PCDHGA11: variants seen among roughly 807,000 people sequenced by gnomAD.
PCDHGA11 encodes the protein protocadherin gamma subfamily A, 11.
A neutral mutation model predicts 60.4 loss-of-function variants in PCDHGA11; 39 were observed. That is an observed-to-expected ratio of 0.65 (90% CI 0.50 to 0.84). The LOEUF (loss-of-function observed/expected upper bound fraction) is 0.84. PCDHGA11 is among the 40% of genes least tolerant of loss of function. PCDHGA11 has a pLI of 0.00. For missense variants in PCDHGA11, 1,165 were observed against 1,197.7 expected, an observed-to-expected ratio of 0.97 and a Z score of 0.40; for synonymous variants, 533 against 510.3, an observed-to-expected ratio of 1.04 and a Z score of -0.60.
In PCDHGA11 at chr5:141,505,380, A is replaced by C; in HGVS notation, c.2493-13A>C. On this transcript the variant is annotated splice_polypyrimidine_tract_variant and intron_variant, in intron 2 of 3. Coordinates refer to ENST00000398587, the MANE Select transcript of PCDHGA11 (RefSeq NM_018914.3). ...CCTGGGAGTCTGTGCTCACCATCCT[A>C]CTCTCTCCCCAGCTCCCAAAATGGC... 1 of 1,613,480 alleles carries C rather than the reference A, an allele frequency of 6.2e-7. No homozygotes were observed. Among genetic ancestry groups the C allele is most frequent in the Non-Finnish European group, 8.5e-7 (1 of 1,179,856 alleles).
rs1412265811 is a variant in PCDHGA11, at chr5:141,461,565, A to G, written c.2434-33242A>G. Among the ~76,000 whole-genome samples the G allele has an allele frequency of 2.6e-5, 4 of 152,178 alleles. No individual in the cohort carries two copies. The East Asian group carries it at 7.7e-4, about 29-fold the overall frequency. On this transcript the variant is annotated intron_variant, in intron 1 of 3. Coordinates refer to ENST00000398587, the MANE Select transcript of PCDHGA11 (RefSeq NM_018914.3). ...CCTTTGTCAGATGTGTACTTTGCAA[A>G]GATAATATTTTGGATGTTATATTTC...
At chr5:141,445,257 A>G (rs1253126709) in intron 1 of PCDHGA11, among the ~76,000 whole-genome samples, 3 of 152,152 alleles carry the variant, frequency 2.0e-5, no homozygotes, top group African/African-American at 2.4e-5. Context: ...GTGTGAGAAT[A>G]TAAGTCGAAA....
At position 141,433,401 on chromosome 5, in the gene PCDHGA11, A is replaced by C. The variant is rs181247960; in HGVS notation, c.2433+9741A>C. ...TATCTATCTATCTATCTATCTATCT[A>C]TCTATTACTTTCTTGTACAGACAGG... On this transcript the variant is annotated intron_variant, in intron 1 of 3. Transcript: ENST00000398587. Among the ~76,000 whole-genome samples, 679 of 150,596 alleles carry C rather than the reference A, an allele frequency of 4.5e-3. 8 individuals carry two copies. The highest frequency in any genetic ancestry group is 0.015 in the African/African-American group (630 of 40,956).
At position 141,490,076 on chromosome 5, in the gene PCDHGA11, A is replaced by G. The variant is rs1025569516; in HGVS notation, c.2434-4731A>G. 2.5e-6 allele frequency: 4 copies of G among 1,614,240 alleles called. No homozygotes were observed. The highest frequency in any genetic ancestry group is 1.3e-5 in the African/African-American group (1 of 75,070). Reference sequence around the variant, plus strand: ...GAGGGCACCAACGGCCAACTAGACTATTCTTTTGGAGACCACACATCTGAG... The same window carrying G: ...GAGGGCACCAACGGCCAACTAGACTGTTCTTTTGGAGACCACACATCTGAG... On this transcript the variant is annotated intron_variant, in intron 1 of 3. Coordinates refer to ENST00000398587, the MANE Select transcript of PCDHGA11 (RefSeq NM_018914.3). The surrounding 1 kb of genome is among the most constrained non-coding windows in gnomAD (Gnocchi z 5.4).
At position 141,493,061 on chromosome 5, in the gene PCDHGA11, C is replaced by G. The variant is rs1386090478; in HGVS notation, c.2434-1746C>G. On this transcript the variant is annotated intron_variant, in intron 1 of 3. Transcript: ENST00000398587. The surrounding 1 kb of genome is among the most constrained non-coding windows in gnomAD (Gnocchi z 4.3). The stretch of plus-strand genomic sequence containing the variant: ...GAGGAAACTACAATAGTAAAAAACA[C>G]AAGTTTCTCCAACTCCAGGAGCTTT... Among the ~76,000 whole-genome samples the G allele has an allele frequency of 6.6e-6, 1 of 152,228 alleles. No individual in the cohort carries two copies. Among genetic ancestry groups the G allele is most frequent in the African/African-American group, 2.4e-5 (1 of 41,446 alleles).
chr5:141,486,645 C>T lies in PCDHGA11; in HGVS notation c.2434-8162C>T, dbSNP rs369948556. ...GACTCTGGCTTGAATGCGCTTATCT[C>T]CTACTCACTCCTGGAGCCCAGGAAT... On this transcript the variant is annotated intron_variant, in intron 1 of 3. Coordinates refer to ENST00000398587, the MANE Select transcript of PCDHGA11 (RefSeq NM_018914.3). This position sits in a 1 kb window ranked among gnomAD's most constrained non-coding sequence, Gnocchi z 5.0. 1.9e-6 allele frequency: 3 copies of T among 1,613,752 alleles called. No individual in the cohort carries two copies. The highest frequency in any genetic ancestry group is 2.2e-5 in the East Asian group (1 of 44,896).
In PCDHGA11 at chr5:141,487,694, AC is replaced by A. The variant is rs1296386169; in HGVS notation, c.2434-7112del. On this transcript the variant is annotated intron_variant, in intron 1 of 3. Coordinates refer to ENST00000398587, the MANE Select transcript of PCDHGA11 (RefSeq NM_018914.3). The surrounding 1 kb of genome is among the most constrained non-coding windows in gnomAD (Gnocchi z 5.0). ...ATGGCTAGGCCATGTCCTAGAGAGT[AC>A]TGGCCTCTCAGTAAGTGCCCATAGT... is the stretch of plus-strand genomic sequence containing the variant. The A allele has an allele frequency of 6.2e-7, 1 of 1,602,048 alleles. No individual in the cohort carries two copies. The highest frequency in any genetic ancestry group is 2.2e-5 in the East Asian group (1 of 44,642).
At chr5:141,443,321 A>AC (rs1175439570) in intron 1 of PCDHGA11, among the ~76,000 whole-genome samples, 1 of 151,616 alleles carries the variant, frequency 6.6e-6, no homozygotes, top group African/African-American at 2.4e-5. Flanking sequence ...TCTCTACAAA[A>AC]AAAAAAAACA....
intron 1 of PCDHGA11, chr5:141,428,221 G>A (rs1314522513): frequency 5.9e-6 from 7 of 1,177,278 alleles, no homozygotes; most frequent in Non-Finnish European, 8.6e-6. Context: ...CCTAGTCTTC[G>A]CAGACAGCCT....
chr5:141,458,347 T>A (rs1351687231), intron 1 of PCDHGA11, among the ~76,000 whole-genome samples: 1 of 151,916 alleles, frequency 6.6e-6, no homozygotes, highest in Non-Finnish European at 1.5e-5. Flanking sequence ...AGTGGAGAGT[T>A]TAATAAGCAA....
intron 2 of PCDHGA11, 70 bp downstream of exon 2, chr5:141,494,935 G>T (rs1456805368): frequency 2.5e-6 from 4 of 1,612,364 alleles, no homozygotes; most frequent in African/African-American, 1.3e-5. Context: ...GGGAGGAGAT[G>T]GGGGAGGGCC....
rs1373619696 is a variant in PCDHGA11, at chr5:141,421,565, A to G, written c.338A>G (p.Asp113Gly). ...TTAAATATGGAACTTCTCGTGGAAGACACCTTGAAGATTTACGGAGTGGAG... is the reference window on the plus strand; with the variant it reads ...TTAAATATGGAACTTCTCGTGGAAGGCACCTTGAAGATTTACGGAGTGGAG... Reference protein sequence around the residue: ...CFLNMELLVEDTLKIYGVEVE... With the variant: ...CFLNMELLVEGTLKIYGVEVE... The change falls in exon 1 of 4, where the codon GAC becomes GGC. Residue 113 changes from aspartate to glycine, a missense_variant. Asp to Gly is a moderately conservative substitution (Grantham distance 94). Coordinates refer to ENST00000398587, the MANE Select transcript of PCDHGA11 (RefSeq NM_018914.3). 6.2e-7 allele frequency: 1 copy of G among 1,613,952 alleles called. No homozygotes were observed. Among genetic ancestry groups the G allele is most frequent in the Admixed American group, 1.7e-5 (1 of 60,032 alleles).
In PCDHGA11 at chr5:141,422,942, G is replaced by T. The variant is rs199976232; in HGVS notation, c.1715G>T (p.Gly572Val). Residue 572 changes from glycine to valine, a missense_variant, in exon 1 of 4, where the codon GGC (glycine) becomes GTC (valine). Transcript: ENST00000398587. ...EILYPALPTD[G>V]STGVELAPRS... Reference sequence around the variant, plus strand: ...CTGTACCCTGCCCTCCCCACAGACGGCTCCACTGGCGTGGAGCTGGCGCCC... The same window carrying T: ...CTGTACCCTGCCCTCCCCACAGACGTCTCCACTGGCGTGGAGCTGGCGCCC... The T allele has an allele frequency of 3.6e-4, 583 of 1,614,096 alleles. 1 individual carries two copies. Among genetic ancestry groups the T allele is most frequent in the South Asian group, 5.2e-4 (47 of 91,090 alleles).
In PCDHGA11 at chr5:141,477,200, C is replaced by A; in HGVS notation, c.2434-17607C>A. On this transcript the variant is annotated intron_variant, in intron 1 of 3. Transcript: ENST00000398587. The surrounding 1 kb of genome is among the most constrained non-coding windows in gnomAD (Gnocchi z 4.9). The stretch of plus-strand genomic sequence containing the variant: ...AGTCACCTCCGTGTACAGCCCAGTA[C>A]CCGAGGATGCCCCTCTGGGGACTGT... 6.2e-7 allele frequency: 1 copy of A among 1,614,206 alleles called. No homozygotes were observed. Among genetic ancestry groups the A allele is most frequent in the South Asian group, 1.1e-5 (1 of 91,088 alleles).
chr5:141,489,563 T>C lies in PCDHGA11; in HGVS notation c.2434-5244T>C, dbSNP rs2099689031. ...ACCAGCTGCCTGCTGCCAGTGCAGG[T>C]GGTGACTGAACACCCCCTGGAGCTA... On this transcript the variant is annotated intron_variant, in intron 1 of 3. Coordinates refer to ENST00000398587, the MANE Select transcript of PCDHGA11 (RefSeq NM_018914.3). The surrounding 1 kb of genome is among the most constrained non-coding windows in gnomAD (Gnocchi z 4.5). 13 of 1,614,006 alleles carry C rather than the reference T, an allele frequency of 8.1e-6. No homozygotes were observed. The highest frequency in any genetic ancestry group is 1.1e-5 in the Non-Finnish European group (13 of 1,179,976).
In PCDHGA11 at chr5:141,486,680, T is replaced by A; in HGVS notation, c.2434-8127T>A. The A allele has an allele frequency of 6.2e-7, 1 of 1,614,102 alleles. No homozygotes were observed. Among genetic ancestry groups the A allele is most frequent in the Non-Finnish European group, 8.5e-7 (1 of 1,180,018 alleles). ...CCTGGAGCCCAGGAATCGAGATGTA[T>A]CAGCTTCCTCTTTCATCTCTCTGAA... is the stretch of plus-strand genomic sequence containing the variant. On this transcript the variant is annotated intron_variant, in intron 1 of 3. Coordinates refer to ENST00000398587, the MANE Select transcript of PCDHGA11 (RefSeq NM_018914.3). This position sits in a 1 kb window ranked among gnomAD's most constrained non-coding sequence, Gnocchi z 5.0.
rs11953770 is a variant in PCDHGA11 at position 141,510,741 on chromosome 5, C to T, written c.2582-206C>T. On this transcript the variant is annotated intron_variant, in intron 3 of 3. Coordinates refer to ENST00000398587, the MANE Select transcript of PCDHGA11 (RefSeq NM_018914.3). ...TAAGGAAAGGAGCTAGGAATCAAACCTAGACTTTCTCACTCCAGAGCCTCT... is the reference window on the plus strand; with the variant it reads ...TAAGGAAAGGAGCTAGGAATCAAACTTAGACTTTCTCACTCCAGAGCCTCT... Among the ~76,000 whole-genome samples the T allele has an allele frequency of 2.6e-5, 4 of 152,138 alleles. No homozygotes were observed. In the South Asian group the frequency reaches 8.3e-4, roughly 32 times the overall value.
chr5:141,448,511 A>C (rs2098593334), intron 1 of PCDHGA11, among the ~76,000 whole-genome samples: 1 of 152,076 alleles, frequency 6.6e-6, no homozygotes, highest in Admixed American at 6.6e-5. Context: ...ACATTTTATA[A>C]CTTTATTAAG....
rs558609501 is a variant in PCDHGA11, at chr5:141,487,648, G to C, written c.2434-7159G>C. On this transcript the variant is annotated intron_variant, in intron 1 of 3. Coordinates refer to ENST00000398587, the MANE Select transcript of PCDHGA11 (RefSeq NM_018914.3). This position sits in a 1 kb window ranked among gnomAD's most constrained non-coding sequence, Gnocchi z 5.0. ...CTTTGCAGGCTCAACAAATGCTTGA[G>C]GGTTATTCTGATCCAGGCATATGGC... is the stretch of plus-strand genomic sequence containing the variant. 34 of 1,613,904 alleles carry C rather than the reference G, an allele frequency of 2.1e-5. 1 individual carries two copies. The South Asian group carries it at 3.6e-4, about 17-fold the overall frequency.
Sources: gnomAD v4.1 joint callset for allele counts (sites outside exome capture counted in the v4.1 genomes callset) on GRCh38, gnomAD v4.1.1 for gene constraint, Gnocchi (gnomAD v3.1) non-coding constraint, MANE v1.5 for transcripts, NCBI Gene and HGNC (gene_info 2026-07-23, HGNC 2026-07-21) for gene names.